Variants in ALX4 observed in about 807,000 individuals in gnomAD.
ALX4 encodes ALX homeobox 4, also known as homeobox protein aristaless-like 4.
In ALX4, 22 loss-of-function variants were observed where a neutral mutation model predicts 40.6. That is an observed-to-expected ratio of 0.54 (90% confidence interval 0.39 to 0.77). ALX4 has a LOEUF of 0.77. Among genes scored for constraint, ALX4 ranks in the 30% least tolerant of loss-of-function variants. The probability of loss-of-function intolerance (pLI) is 0.00; values close to 1 mark genes in which losing one functional copy is unlikely to be tolerated. For missense variants in ALX4, 556 were observed against 564.8 expected (o/e 0.98, Z 0.16); for synonymous variants, 266 against 240.5 (o/e 1.11, Z -0.98).
chr11:44,289,299 CA>C (rs1554946253), intron 1 of ALX4, among the ~76,000 whole-genome samples: 2 of 152,156 alleles, frequency 1.3e-5, no homozygotes, highest in Non-Finnish European at 2.9e-5. Context: ...GGGCAAATCC[CA>C]AATTACCAAG....
chr11:44,300,262 G>T (rs1380568524), intron 1 of ALX4, among the ~76,000 whole-genome samples: 1 of 152,196 alleles, frequency 6.6e-6, no homozygotes, highest in Non-Finnish European at 1.5e-5. Context: ...AAACCACTGA[G>T]TCCCATGAAG....
rs370961774 is a variant in ALX4 at position 44,262,415 on chromosome 11, G to C, written c.*2439C>G. On this transcript the variant is annotated 3_prime_UTR_variant, in exon 4 of 4. Coordinates refer to ENST00000652299, the MANE Select transcript of ALX4 (RefSeq NM_021926.4). ...CATGTTTAATCCTAGACACTTCCTG[G>C]GTGTGTTGGGACAGGCAGCCATAGC... 3.9e-5 allele frequency: 6 copies of C among 152,222 alleles called. No homozygotes were observed. In the East Asian group the frequency reaches 9.6e-4, roughly 24 times the overall value. 9.4% of individuals were successfully genotyped at this position (152,222 alleles called of 1,614,324 possible).
intron 2 of ALX4, among the ~76,000 whole-genome samples, chr11:44,272,457 T>C (rs1304657744): frequency 6.7e-6 from 1 of 150,004 alleles, no homozygotes; most frequent in Non-Finnish European, 1.5e-5. Flanking sequence ...TGAGCCAAGA[T>C]TGCACCACTG....
intron 1 of ALX4, among the ~76,000 whole-genome samples, chr11:44,279,747 C>T (rs1036167318): frequency 6.6e-6 from 1 of 152,188 alleles, no homozygotes; most frequent in African/African-American, 2.4e-5. Flanking sequence ...CTCACCCTCT[C>T]CACTGACTGC....
At chr11:44,273,964 T>A (rs1956263272) in intron 2 of ALX4, among the ~76,000 whole-genome samples, 1 of 151,472 alleles carries the variant, frequency 6.6e-6, no homozygotes, top group African/African-American at 2.4e-5. Flanking sequence ...TTAAAAAAAA[T>A]AAACAAAAAT....
intron 1 of ALX4, among the ~76,000 whole-genome samples, chr11:44,286,044 G>A (rs1194571570): frequency 1.3e-5 from 2 of 152,248 alleles, no homozygotes; most frequent in African/African-American, 4.8e-5. Context: ...AGCTCTGCAG[G>A]CACAGCTGAG....
In ALX4 at chr11:44,297,443, C is replaced by T. The variant is rs528229705; in HGVS notation, c.466+12154G>A. ...GAAAATAAATGGCCCAGGGGCCAGG[C>T]GCGGTGGCTTATGCTTGTAATCCCA... On this transcript the variant is annotated intron_variant, in intron 1 of 3. Transcript: ENST00000652299. Among the ~76,000 whole-genome samples the T allele has an allele frequency of 4.6e-5, 7 of 151,924 alleles. 1 individual carries two copies. The highest frequency in any genetic ancestry group is 2.1e-4 in the South Asian group (1 of 4,810).
intron 1 of ALX4, among the ~76,000 whole-genome samples, chr11:44,277,917 G>A (rs1956287049): frequency 6.6e-6 from 1 of 152,148 alleles, no homozygotes; most frequent in Non-Finnish European, 1.5e-5. Flanking sequence ...TGGCTTCAGT[G>A]ACAACATTCT....
chr11:44,263,690 G>C lies in ALX4; in HGVS notation c.*1164C>G, dbSNP rs917218614. ...ACAGATATGGCAGGGAGGACAGTCA[G>C]TTTGAGGCCATAGCAGGGCCTGGAG... On this transcript the variant is annotated 3_prime_UTR_variant, in exon 4 of 4. Transcript: ENST00000652299. 2.0e-5 allele frequency: 3 copies of C among 152,344 alleles called. No homozygotes were observed. The highest frequency in any genetic ancestry group is 7.2e-5 in the African/African-American group (3 of 41,476). The allele number at this position is 152,344 out of a possible 1,614,324, so 9.4% of individuals were successfully genotyped here.
chr11:44,286,388 G>T (rs1453151929), intron 1 of ALX4, among the ~76,000 whole-genome samples: 1 of 152,144 alleles, frequency 6.6e-6, no homozygotes, highest in Non-Finnish European at 1.5e-5. Context: ...CTGAAGAGGA[G>T]TCCCCGGCCC....
Position 44,261,243 on chromosome 11 carries a change from G to C in ALX4, c.*3611C>G, listed in dbSNP as rs1247030245. 6.6e-6 allele frequency: 1 copy of C among 152,234 alleles called. No homozygotes were observed. Among genetic ancestry groups the C allele is most frequent in the Non-Finnish European group, 1.5e-5 (1 of 68,088 alleles). The allele number at this position is 152,234 out of a possible 1,614,324, so 9.4% of individuals were successfully genotyped here. ...CGTGTCTTTCAGGTTCTCGAAGATG[G>C]CCCCCCACTGTCTAGCCCAGGGAGG... On this transcript the variant is annotated 3_prime_UTR_variant, in exon 4 of 4. Coordinates refer to ENST00000652299, the MANE Select transcript of ALX4 (RefSeq NM_021926.4).
rs1406412349 is a variant in ALX4 at position 44,267,377 on chromosome 11, G to C, written c.906+117C>G. The C allele has an allele frequency of 2.9e-6, 4 of 1,399,526 alleles. No homozygotes were observed. The Admixed American group carries it at 8.0e-5, about 28-fold the overall frequency. The allele number at this position is 1,399,526 out of a possible 1,614,324, so 86.7% of individuals were successfully genotyped here. A position where few individuals can be genotyped will look rare whatever the true frequency, so the allele number is the denominator to read the frequency against. On this transcript the variant is annotated intron_variant, in intron 3 of 3. Coordinates refer to ENST00000652299, the MANE Select transcript of ALX4 (RefSeq NM_021926.4). ...AACAGGCACACCCCTGGAATGAGAC[G>C]GAAGGGCAGCCTGGAGCCATAAGTC...
At chr11:44,297,731 A>G (rs1280970788) in intron 1 of ALX4, among the ~76,000 whole-genome samples, 2 of 151,916 alleles carry the variant, frequency 1.3e-5, no homozygotes, top group Middle Eastern at 3.4e-3. Context: ...ATAATAAAAT[A>G]AAATAAAATA....
intron 1 of ALX4, among the ~76,000 whole-genome samples, chr11:44,296,947 T>C (rs909926105): frequency 6.7e-6 from 1 of 149,166 alleles, no homozygotes; most frequent in Admixed American, 6.7e-5. Context: ...AGGTGGAGAT[T>C]GCAGTGAGCT....
At chr11:44,299,901 G>T (rs753290956) in intron 1 of ALX4, among the ~76,000 whole-genome samples, 3 of 152,184 alleles carry the variant, frequency 2.0e-5, no homozygotes, top group Non-Finnish European at 4.4e-5. Context: ...CAATCTCATA[G>T]GATTGTGATG....
At chr11:44,287,466 A>G (rs1005428558) in intron 1 of ALX4, among the ~76,000 whole-genome samples, 5 of 151,946 alleles carry the variant, frequency 3.3e-5, no homozygotes, top group Non-Finnish European at 7.4e-5. Context: ...CTAAGAATCA[A>G]TAACTGTTAA....
At chr11:44,273,812 G>A (rs1018890883) in intron 2 of ALX4, among the ~76,000 whole-genome samples, 1 of 152,134 alleles carries the variant, frequency 6.6e-6, no homozygotes, top group African/African-American at 2.4e-5. Flanking sequence ...CTTATCCCAG[G>A]CGTGGTGGTG....
At chr11:44,268,164 A>C (rs886185627) in intron 2 of ALX4, among the ~76,000 whole-genome samples, 5 of 152,304 alleles carry the variant, frequency 3.3e-5, no homozygotes, top group South Asian at 2.1e-4. Flanking sequence ...CCTGTGTTAA[A>C]GGGAGAACAG....
chr11:44,264,545 G>A lies in ALX4; in HGVS notation c.*309C>T. ...ACTAGGCAGAGCAGAGGAGTGGGCG[G>A]GAGCAAGAAAGCGCTTTCAGCTTAT... On this transcript the variant is annotated 3_prime_UTR_variant, in exon 4 of 4. Transcript: ENST00000652299. 1 of 480,854 alleles carries A rather than the reference G, an allele frequency of 2.1e-6. No homozygotes were observed. The highest frequency in any genetic ancestry group is 2.5e-5 in the South Asian group (1 of 40,694). The allele number at this position is 480,854 out of a possible 1,614,324, so 29.8% of individuals were successfully genotyped here.
Sources: gnomAD v4.1 joint callset for allele counts (sites outside exome capture counted in the v4.1 genomes callset) on GRCh38, gnomAD v4.1.1 for gene constraint, MANE v1.5 for transcripts, NCBI Gene and HGNC (gene_info 2026-07-23, HGNC 2026-07-21) for gene names.